NEGR1: variants seen among roughly 807,000 people sequenced by gnomAD.
The protein encoded by NEGR1 is neuronal growth regulator 1.
In NEGR1, 10 loss-of-function variants were observed where a neutral mutation model predicts 40.9. The observed-to-expected ratio is 0.24, with a 90% CI of 0.15 to 0.42. The LOEUF (loss-of-function observed/expected upper bound fraction) is 0.42. Among genes scored for constraint, NEGR1 ranks in the 10% least tolerant of loss-of-function variants. The pLI, the probability that NEGR1 is intolerant of heterozygous loss-of-function variation, is 1.00. For synonymous variants in NEGR1, 185 were observed against 166.8 expected, an observed-to-expected ratio of 1.11 and a Z score of -0.84; for missense variants, 352 against 438.9, an observed-to-expected ratio of 0.80 and a Z score of 1.77.
chr1:71,627,753 A>G (rs932422394), intron 4 of NEGR1, among the ~76,000 whole-genome samples: 10 of 152,046 alleles, frequency 6.6e-5, no homozygotes, highest in Admixed American at 6.6e-4. Context: ...AAAGTTATTC[A>G]TTCTCAAAAT....
chr1:71,398,736 A>G lies in NEGR1; in HGVS notation c.*8710T>C, dbSNP rs1171377799. On this transcript the variant is annotated 3_prime_UTR_variant, in exon 7 of 7. Coordinates refer to ENST00000357731, the MANE Select transcript of NEGR1 (RefSeq NM_173808.3). ...GAGGACATGAGATTTGGGAGGGACC[A>G]GGGGTGGAATGATATGGTTTGGCTG... is the stretch of plus-strand genomic sequence containing the variant. 2 of 152,122 alleles carry G rather than the reference A, an allele frequency of 1.3e-5. No homozygotes were observed. Among genetic ancestry groups the G allele is most frequent in the Non-Finnish European group, 2.9e-5 (2 of 68,030 alleles). The allele number at this position is 152,122 out of a possible 1,614,324, so 9.4% of individuals were successfully genotyped here. A position where few individuals can be genotyped will look rare whatever the true frequency, so the allele number is the denominator to read the frequency against.
chr1:71,470,904 CTT>C, intron 6 of NEGR1, among the ~76,000 whole-genome samples: 1 of 152,180 alleles, frequency 6.6e-6, no homozygotes, highest in East Asian at 1.9e-4. Flanking sequence ...GTTTATTTTT[CTT>C]TGATTTCCCT....
intron 4 of NEGR1, among the ~76,000 whole-genome samples, chr1:71,647,821 C>A (rs1158433741): frequency 6.6e-6 from 1 of 151,988 alleles, no homozygotes; most frequent in Non-Finnish European, 1.5e-5. Flanking sequence ...CCACTTCATA[C>A]CTACAAACAT....
At chr1:71,938,863 TC>T (rs918110022) in intron 1 of NEGR1, among the ~76,000 whole-genome samples, 13 of 152,172 alleles carry the variant, frequency 8.5e-5, no homozygotes, top group African/African-American at 3.1e-4. Context: ...TCTGAGAGTC[TC>T]TGGCTTCTGC....
chr1:71,493,360 C>G (rs1442576594), intron 6 of NEGR1, among the ~76,000 whole-genome samples: 1 of 152,006 alleles, frequency 6.6e-6, no homozygotes, highest in African/African-American at 2.4e-5. Context: ...TGATGGGAAG[C>G]CCAATTTTTC....
intron 1 of NEGR1, among the ~76,000 whole-genome samples, chr1:72,233,463 G>A (rs1252338043): frequency 6.6e-6 from 1 of 151,894 alleles, no homozygotes; most frequent in African/African-American, 2.4e-5. Context: ...CATCCTTCTG[G>A]AGTCCCCAGT....
intron 1 of NEGR1, among the ~76,000 whole-genome samples, chr1:72,137,702 A>C (rs914551699): frequency 6.6e-6 from 1 of 152,058 alleles, no homozygotes; most frequent in Non-Finnish European, 1.5e-5. Flanking sequence ...CTGCACATGT[A>C]CCCCAGAACT....
At chr1:71,420,544 GTTA>G (rs1646387714) in intron 6 of NEGR1, among the ~76,000 whole-genome samples, 1 of 151,992 alleles carries the variant, frequency 6.6e-6, no homozygotes, top group Non-Finnish European at 1.5e-5. Context: ...AAAATCATAT[GTTA>G]TTATAATTCC....
At chr1:72,051,873 G>A (rs1647065051) in intron 1 of NEGR1, among the ~76,000 whole-genome samples, 2 of 151,456 alleles carry the variant, frequency 1.3e-5, no homozygotes, top group African/African-American at 4.8e-5. Context: ...TAAGAAGTAT[G>A]CCAAGAGAAT....
chr1:72,193,149 A>C (rs547405451), intron 1 of NEGR1, among the ~76,000 whole-genome samples: 1 of 151,854 alleles, frequency 6.6e-6, no homozygotes, highest in East Asian at 1.9e-4. Context: ...TATAATTAAT[A>C]TTTGTCAGAT....
In NEGR1 at chr1:71,937,218, T is replaced by C. The variant is rs529992820; in HGVS notation, c.177-1907A>G. Among the ~76,000 whole-genome samples, 3 of 152,296 alleles carry C rather than the reference T, an allele frequency of 2.0e-5. No individual in the cohort carries two copies. The South Asian group carries it at 6.2e-4, about 32-fold the overall frequency. ...AAAGGTCACTGTTAATTGAAAAGCT[T>C]GTCCTTATGTATTTAATAAAGAAAA... On this transcript the variant is annotated intron_variant, in intron 1 of 6. Coordinates refer to ENST00000357731, the MANE Select transcript of NEGR1 (RefSeq NM_173808.3).
At chr1:71,831,756 G>A (rs1658847281) in intron 2 of NEGR1, among the ~76,000 whole-genome samples, 3 of 151,236 alleles carry the variant, frequency 2.0e-5, no homozygotes, top group Non-Finnish European at 3.0e-5. Flanking sequence ...GATGTAGGAG[G>A]ATTTCTATAG....
At chr1:71,689,730 CT>C (rs1653187510) in intron 4 of NEGR1, among the ~76,000 whole-genome samples, 1 of 151,274 alleles carries the variant, frequency 6.6e-6, no homozygotes, top group African/African-American at 2.4e-5. Flanking sequence ...CACTATACAT[CT>C]GAGTAGAAAT....
At chr1:71,410,076 A>G (rs1306417228) in intron 6 of NEGR1, among the ~76,000 whole-genome samples, 2 of 152,088 alleles carry the variant, frequency 1.3e-5, no homozygotes, top group East Asian at 3.8e-4. Context: ...GATATTACCA[A>G]TAGCGTATTT....
chr1:71,495,909 A>G (rs574065530), intron 6 of NEGR1, among the ~76,000 whole-genome samples: 3 of 152,154 alleles, frequency 2.0e-5, no homozygotes, highest in African/African-American at 4.8e-5. Context: ...TGTGTCATCA[A>G]CTCTCCAGGG....
intron 2 of NEGR1, among the ~76,000 whole-genome samples, chr1:71,916,788 C>T (rs534496659): frequency 9.1e-4 from 139 of 152,116 alleles, no homozygotes; most frequent in African/African-American, 3.3e-3. Context: ...AAAACAAAAA[C>T]CAGAGATCTT....
At chr1:72,146,567 G>GT (rs142125288) in intron 1 of NEGR1, among the ~76,000 whole-genome samples, 15,314 of 151,322 alleles carry the variant, frequency 0.1, 1,218 homozygotes, top group East Asian at 0.33. Context: ...TCATGCACAA[G>GT]TTTTTTTTTA....
chr1:71,806,892 T>G (rs995213616), intron 2 of NEGR1, among the ~76,000 whole-genome samples: 2 of 143,206 alleles, frequency 1.4e-5, no homozygotes, highest in African/African-American at 5.3e-5. Flanking sequence ...CGATCTGTTT[T>G]TTTTTGTTTT....
intron 4 of NEGR1, among the ~76,000 whole-genome samples, chr1:71,688,342 A>AT (rs1653117404): frequency 1.6e-5 from 2 of 125,470 alleles, no homozygotes; most frequent in Admixed American, 1.7e-4. Flanking sequence ...AGATAGATAG[A>AT]TAGATAGATA....
Sources: gnomAD v4.1 joint callset for allele counts (sites outside exome capture counted in the v4.1 genomes callset) on GRCh38, gnomAD v4.1.1 for gene constraint, MANE v1.5 for transcripts, NCBI Gene and HGNC (gene_info 2026-07-23, HGNC 2026-07-21) for gene names.